The following AKT3 variants were observed in gnomAD, a reference collection of about 807,000 sequenced individuals.
AKT3 encodes RAC-gamma serine/threonine-protein kinase.
AKT3 carries 15 observed loss-of-function variants against 65.3 expected under a neutral mutation model. That is an observed-to-expected ratio of 0.23 (90% CI 0.15 to 0.35). The LOEUF (loss-of-function observed/expected upper bound fraction) is 0.35. AKT3 is among the 10% of genes least tolerant of loss of function. The pLI is 1.00. For synonymous variants in AKT3, 206 were observed against 183.8 expected, an observed-to-expected ratio of 1.12 and a Z score of -0.98; for missense variants, 243 against 576.5, an observed-to-expected ratio of 0.42 and a Z score of 5.92.
intron 2 of AKT3, among the ~76,000 whole-genome samples, chr1:243,781,092 C>CTGTAT (rs1194152980): frequency 6.6e-6 from 1 of 152,024 alleles, no homozygotes; most frequent in Non-Finnish European, 1.5e-5. Flanking sequence ...GTTAATAGAG[C>CTGTAT]TATACAGCCT....
At chr1:243,617,297 G>A (rs1454501272) in intron 6 of AKT3, among the ~76,000 whole-genome samples, 1 of 151,938 alleles carries the variant, frequency 6.6e-6, no homozygotes, top group Non-Finnish European at 1.5e-5. Context: ...AGTGTTAATG[G>A]GAAAAACCAG....
chr1:243,679,364 T>C (rs1349167627), intron 3 of AKT3, among the ~76,000 whole-genome samples: 5 of 152,178 alleles, frequency 3.3e-5, no homozygotes, highest in African/African-American at 7.2e-5. Context: ...TGTGAATAAA[T>C]TGATACAAAC....
At chr1:243,562,541 C>T (rs746471287) in intron 10 of AKT3, among the ~76,000 whole-genome samples, 9 of 152,138 alleles carry the variant, frequency 5.9e-5, no homozygotes, top group Non-Finnish European at 1.2e-4. Context: ...TGATGGTTTA[C>T]TAGGTGGAAA....
intron 7 of AKT3, among the ~76,000 whole-genome samples, chr1:243,614,601 T>C (rs539274504): frequency 6.6e-6 from 1 of 152,264 alleles, no homozygotes; most frequent in South Asian, 2.1e-4. Flanking sequence ...TATTTAGCAT[T>C]CCCATATTTC....
At chr1:243,839,752 A>T (rs1456080029) in intron 2 of AKT3, among the ~76,000 whole-genome samples, 1 of 152,058 alleles carries the variant, frequency 6.6e-6, no homozygotes, top group East Asian at 1.9e-4. Context: ...ACAACAATTG[A>T]TGCATATAGT....
chr1:243,576,776 A>T (rs1420256053), intron 8 of AKT3, among the ~76,000 whole-genome samples: 1 of 152,224 alleles, frequency 6.6e-6, no homozygotes. Context: ...TGAAGAATCA[A>T]TATTGGGAAA....
intron 13 of AKT3, among the ~76,000 whole-genome samples, chr1:243,508,769 G>A (rs1277693229): frequency 1.3e-5 from 2 of 149,504 alleles, no homozygotes; most frequent in Non-Finnish European, 3.0e-5. Flanking sequence ...GGGTTCAAGC[G>A]ATCCTCCTGC....
chr1:243,562,290 A>G (rs1342319620), intron 10 of AKT3, among the ~76,000 whole-genome samples: 3 of 152,210 alleles, frequency 2.0e-5, no homozygotes, highest in Non-Finnish European at 4.4e-5. Context: ...CTATAAAGAC[A>G]AAAAGCAGAT....
chr1:243,582,063 A>G (rs969322259), intron 8 of AKT3, among the ~76,000 whole-genome samples: 3 of 152,102 alleles, frequency 2.0e-5, no homozygotes, highest in African/African-American at 2.4e-5. Flanking sequence ...ATTTTAAAAA[A>G]TGAATAAAGT....
rs955648075 is a variant in AKT3, at chr1:243,746,139, A to C, written c.47-50423T>G. On this transcript the variant is annotated intron_variant, in intron 2 of 13. Transcript: ENST00000673466. The stretch of plus-strand genomic sequence containing the variant: ...TCTGTTTCCATTTAGCCCTATTTTA[A>C]TGCTTATTTTACTAAACTCAAACAT... Among the ~76,000 whole-genome samples the C allele has an allele frequency of 2.0e-5, 3 of 152,130 alleles. No homozygotes were observed. The South Asian group carries it at 6.2e-4, about 32-fold the overall frequency.
intron 3 of AKT3, among the ~76,000 whole-genome samples, chr1:243,681,011 C>T (rs1173421404): frequency 6.6e-6 from 1 of 152,120 alleles, no homozygotes; most frequent in Non-Finnish European, 1.5e-5. Flanking sequence ...CCTCAAGGCC[C>T]TACTGTAAGG....
At chr1:243,625,920 C>T (rs373371726) in intron 6 of AKT3, among the ~76,000 whole-genome samples, 6 of 152,208 alleles carry the variant, frequency 3.9e-5, no homozygotes, top group South Asian at 4.2e-4. Flanking sequence ...GGGTAAAAGC[C>T]ACTGTAAAAT....
chr1:243,663,618 T>G (rs1321112375), intron 4 of AKT3, among the ~76,000 whole-genome samples: 9 of 152,214 alleles, frequency 5.9e-5, no homozygotes, highest in African/African-American at 2.2e-4. Context: ...TCTATATTTC[T>G]TAATCAATCA....
intron 8 of AKT3, among the ~76,000 whole-genome samples, chr1:243,611,367 A>T (rs1268420748): frequency 5.3e-5 from 8 of 152,110 alleles, no homozygotes. Flanking sequence ...TTCTACCAAG[A>T]TCTAATTAAT....
chr1:243,698,097 G>C (rs566266644), intron 2 of AKT3, among the ~76,000 whole-genome samples: 33 of 151,704 alleles, frequency 2.2e-4, no homozygotes, highest in African/African-American at 8.0e-4. Flanking sequence ...CAATTCCCAC[G>C]TTGAAAAATA....
intron 2 of AKT3, among the ~76,000 whole-genome samples, chr1:243,714,900 C>A (rs558845282): frequency 4.6e-5 from 7 of 152,092 alleles, no homozygotes; most frequent in Non-Finnish European, 1.0e-4. Context: ...ATCTGTGTGA[C>A]CCTTTTAGGT....
chr1:243,620,504 C>T (rs1352539730), intron 6 of AKT3, among the ~76,000 whole-genome samples: 1 of 101,752 alleles, frequency 9.8e-6, no homozygotes, highest in Non-Finnish European at 2.8e-5. Context: ...CTCAACAAGC[C>T]ATATGTTAGC....
At chr1:243,706,481 T>C (rs758128433) in intron 2 of AKT3, among the ~76,000 whole-genome samples, 1 of 152,180 alleles carries the variant, frequency 6.6e-6, no homozygotes, top group African/African-American at 2.4e-5. Flanking sequence ...ATCAATGCTC[T>C]ACAGAATAAA....
chr1:243,612,448 T>C (rs1223358014), intron 8 of AKT3: 1 of 152,224 alleles, frequency 6.6e-6, no homozygotes, highest in Non-Finnish European at 1.5e-5. Flanking sequence ...AACGAATTCC[T>C]GCAAATCAGA....
Sources: gnomAD v4.1 joint callset for allele counts (sites outside exome capture counted in the v4.1 genomes callset) on GRCh38, gnomAD v4.1.1 for gene constraint, MANE v1.5 for transcripts, NCBI Gene and HGNC (gene_info 2026-07-23, HGNC 2026-07-21) for gene names.